The following NPSR1 variants were observed in gnomAD, a reference collection of about 807,000 sequenced individuals.
NPSR1 encodes neuropeptide S receptor 1.
NPSR1 carries 48 observed loss-of-function variants against 46.9 expected under a neutral mutation model. That is an observed-to-expected ratio of 1.02 (90% CI 0.81 to 1.30). The LOEUF is 1.30. Ranked by LOEUF, NPSR1 falls within the 50% of genes most tolerant of loss-of-function variation. The pLI, the probability that NPSR1 is intolerant of heterozygous loss-of-function variation, is 0.00. For synonymous variants in NPSR1, 176 were observed against 168.1 expected (o/e 1.05, Z -0.36); for missense variants, 450 against 449.5 (o/e 1.00, Z -0.01).
intron 3 of NPSR1, among the ~76,000 whole-genome samples, chr7:34,799,262 A>G (rs944218498): frequency 9.2e-5 from 14 of 152,104 alleles, no homozygotes; most frequent in Non-Finnish European, 1.8e-4. Flanking sequence ...TTTTCAATTA[A>G]AAATTTAATT....
chr7:34,871,592 C>G (rs1401728535), intron 8 of NPSR1: 1 of 151,828 alleles, frequency 6.6e-6, no homozygotes, highest in Non-Finnish European at 1.5e-5. Flanking sequence ...CCTGTAAAAT[C>G]AAAGACAAGT....
chr7:34,673,093 C>A lies in NPSR1; in HGVS notation c.148-11459C>A, dbSNP rs148490275. Among the ~76,000 whole-genome samples the A allele has an allele frequency of 7.3e-4, 111 of 152,296 alleles. 1 individual carries two copies. Among genetic ancestry groups the A allele is most frequent in the African/African-American group, 2.4e-3 (100 of 41,574 alleles). On this transcript the variant is annotated intron_variant, in intron 1 of 8. Transcript: ENST00000360581. ...CTTCTACTCATTGTTTCAGACTCAG[C>A]TCACATAACAGTCTCTCTAGGCTAT...
At chr7:34,753,513 A>G (rs1311263991) in intron 2 of NPSR1, 1 of 152,156 alleles carries the variant, frequency 6.6e-6, no homozygotes, top group East Asian at 1.9e-4. Context: ...ATAGTGCGCT[A>G]TGTGGATCGG....
intron 2 of NPSR1, among the ~76,000 whole-genome samples, chr7:34,762,710 T>C (rs1033513566): frequency 2.0e-5 from 3 of 152,228 alleles, no homozygotes; most frequent in African/African-American, 2.4e-5. Context: ...ACAGTTGATA[T>C]TGTTACCCAC....
At chr7:34,780,706 C>G (rs1233267321) in intron 3 of NPSR1, among the ~76,000 whole-genome samples, 1 of 152,112 alleles carries the variant, frequency 6.6e-6, no homozygotes, top group Admixed American at 6.6e-5. Context: ...ATAGTGAAAA[C>G]AAATTGTCTG....
intron 8 of NPSR1, among the ~76,000 whole-genome samples, chr7:34,870,237 C>T (rs1434251530): frequency 1.3e-5 from 2 of 151,850 alleles, no homozygotes; most frequent in Non-Finnish European, 1.5e-5. Flanking sequence ...TGTCACCCCA[C>T]TGTACTGTAA....
chr7:34,774,322 A>C (rs1389575599), intron 2 of NPSR1, among the ~76,000 whole-genome samples: 1 of 152,188 alleles, frequency 6.6e-6, no homozygotes, highest in African/African-American at 2.4e-5. Context: ...GCACTGGTAC[A>C]ACCCTGGTGG....
At chr7:34,840,283 C>G (rs1219441906) in intron 6 of NPSR1, among the ~76,000 whole-genome samples, 1 of 152,148 alleles carries the variant, frequency 6.6e-6, no homozygotes, top group Non-Finnish European at 1.5e-5. Context: ...CTGGAGAATA[C>G]AGAGTCAGGC....
chr7:34,754,519 C>T (rs59527878), intron 2 of NPSR1, among the ~76,000 whole-genome samples: 2,288 of 151,752 alleles, frequency 0.015, 29 homozygotes, highest in African/African-American at 0.035. Flanking sequence ...CCTCTATGCC[C>T]CCTCCTACCA....
chr7:34,764,153 C>T (rs549654084), intron 2 of NPSR1, among the ~76,000 whole-genome samples: 129 of 152,246 alleles, frequency 8.5e-4, no homozygotes, highest in African/African-American at 2.9e-3. Flanking sequence ...ATTAAACAAA[C>T]GACAAAGGCA....
chr7:34,791,030 T>C (rs1365998759), intron 3 of NPSR1, among the ~76,000 whole-genome samples: 18 of 121,694 alleles, frequency 1.5e-4, no homozygotes, highest in Admixed American at 2.8e-4. Flanking sequence ...ATGTTATATG[T>C]TATATATTAT....
At chr7:34,873,883 AAGC>A in intron 8 of NPSR1, among the ~76,000 whole-genome samples, 2 of 151,732 alleles carry the variant, frequency 1.3e-5, no homozygotes, top group South Asian at 4.2e-4. Flanking sequence ...GTGCAGAACA[AAGC>A]AGGCTCCTCA....
intron 3 of NPSR1, among the ~76,000 whole-genome samples, chr7:34,793,262 G>C (rs1413160732): frequency 6.6e-6 from 1 of 151,988 alleles, no homozygotes; most frequent in African/African-American, 2.4e-5. Flanking sequence ...ACAGAGTAAA[G>C]ATACAGTTTA....
At chr7:34,823,113 A>T (rs1017122232) in intron 4 of NPSR1, among the ~76,000 whole-genome samples, 1 of 152,190 alleles carries the variant, frequency 6.6e-6, no homozygotes, top group Non-Finnish European at 1.5e-5. Flanking sequence ...AAATGAGACC[A>T]GGCGCTGTGG....
intron 2 of NPSR1, among the ~76,000 whole-genome samples, chr7:34,732,823 G>T (rs957984028): frequency 3.3e-5 from 5 of 152,142 alleles, no homozygotes; most frequent in African/African-American, 1.2e-4. Flanking sequence ...ACATATGCAT[G>T]CTCACTCACA....
intron 1 of NPSR1, among the ~76,000 whole-genome samples, chr7:34,665,957 C>T (rs1391328846): frequency 6.6e-6 from 1 of 152,154 alleles, no homozygotes; most frequent in Non-Finnish European, 1.5e-5. Context: ...TGACACACAG[C>T]AGATAAAAGG....
In NPSR1 at chr7:34,658,491, A is replaced by G. The variant is rs1173975745; in HGVS notation, c.79A>G (p.Thr27Ala). ...GCTGGATTCTTCCCCAGTGGCTTGC[A>G]CTGAAACAGTGACTTTTACTGAAGT... Reference protein sequence around the residue: ...QTLDSSPVACTETVTFTEVVE... With the variant: ...QTLDSSPVACAETVTFTEVVE... Residue 27 changes from threonine (T) to alanine (A), a missense_variant, in exon 1 of 9, where the codon ACT (threonine) becomes GCT (alanine). By Grantham distance (58) the Thr-to-Ala change is moderately conservative. Coordinates refer to ENST00000360581, the MANE Select transcript of NPSR1 (RefSeq NM_207172.2). The G allele has an allele frequency of 1.2e-6, 2 of 1,614,064 alleles. No homozygotes were observed. The highest frequency in any genetic ancestry group is 3.3e-5 in the Admixed American group (2 of 60,008).
At chr7:34,799,179 T>C (rs1422021520) in intron 3 of NPSR1, among the ~76,000 whole-genome samples, 2 of 152,096 alleles carry the variant, frequency 1.3e-5, no homozygotes, top group Non-Finnish European at 1.5e-5. Context: ...AATGAATATG[T>C]TAATTAGCTT....
At chr7:34,762,248 T>G (rs906898716) in intron 2 of NPSR1, among the ~76,000 whole-genome samples, 11 of 152,146 alleles carry the variant, frequency 7.2e-5, no homozygotes, top group Non-Finnish European at 1.5e-4. Context: ...ATTTACCTAA[T>G]TGAGCAGTAA....
Sources: allele counts gnomAD v4.1 joint callset (sites outside exome capture counted in the v4.1 genomes callset), GRCh38; gene constraint gnomAD v4.1.1; transcripts MANE v1.5; gene names NCBI Gene and HGNC (gene_info 2026-07-23, HGNC 2026-07-21).